The following TUB variants were observed in gnomAD, a reference collection of about 807,000 sequenced individuals.
The protein encoded by TUB is TUB bipartite transcription factor, also known as tubby protein homolog.
TUB carries 33 observed loss-of-function variants against 59.7 expected under a neutral mutation model. The ratio of observed to expected loss-of-function variants is 0.55; its 90% confidence interval spans 0.42 to 0.74. TUB has a LOEUF of 0.74. Ranked by LOEUF, TUB falls within the 30% of genes least tolerant of loss-of-function variation. The pLI is 0.00. For missense variants in TUB, 659 were observed against 672.0 expected (o/e 0.98, Z 0.21); for synonymous variants, 293 against 256.4 (o/e 1.14, Z -1.36).
At chr11:8,093,447 G>A (rs1235851605) in intron 3 of TUB, among the ~76,000 whole-genome samples, 1 of 152,200 alleles carries the variant, frequency 6.6e-6, no homozygotes, top group African/African-American at 2.4e-5. Context: ...AACCATTCAA[G>A]GATTTTGAGC....
At chr11:8,066,504 G>A (rs1036632541) in intron 2 of TUB, among the ~76,000 whole-genome samples, 13 of 152,324 alleles carry the variant, frequency 8.5e-5, no homozygotes, top group East Asian at 7.7e-4. Context: ...GATGAACCTC[G>A]TTCTCTGGAG....
upstream of TUB, among the ~76,000 whole-genome samples, chr11:8,033,990 A>G (rs1942611954): frequency 6.6e-6 from 1 of 152,186 alleles, no homozygotes; most frequent in Non-Finnish European, 1.5e-5. Context: ...GTTTGTTTCC[A>G]GGTAGAATTT....
At chr11:8,064,622 G>A (rs147953577) in intron 2 of TUB, among the ~76,000 whole-genome samples, 43 of 152,260 alleles carry the variant, frequency 2.8e-4, no homozygotes, top group African/African-American at 5.5e-4. Context: ...AAGTGGGGTC[G>A]AAGACTGTGG....
intron 1 of TUB, among the ~76,000 whole-genome samples, chr11:8,082,248 C>T (rs7950401): frequency 0.017 from 2,637 of 152,316 alleles, 73 homozygotes; most frequent in African/African-American, 0.059. Context: ...ATAGAACTGC[C>T]CTCACATGCA....
chr11:8,053,497 TATTA>T (rs1410135706), intron 2 of TUB, among the ~76,000 whole-genome samples: 1 of 151,960 alleles, frequency 6.6e-6, no homozygotes, highest in Non-Finnish European at 1.5e-5. Context: ...TATCTTTATT[TATTA>T]ATTTATCTAT....
At position 8,103,573 on chromosome 11, in the gene TUB, TGA is replaced by T. The variant is rs769412245; in HGVS notation, c.*1959_*1960del. On this transcript the variant is annotated 3_prime_UTR_variant, in exon 12 of 12. Transcript: ENST00000299506. The stretch of plus-strand genomic sequence containing the variant: ...CCCACACCTCGGCCGTACATCTCTG[TGA>T]GAGACCCCCTCCAACGATTAGCTTT... 1.3e-5 allele frequency: 2 copies of T among 152,660 alleles called. No individual in the cohort carries two copies. The highest frequency in any genetic ancestry group is 1.3e-4 in the Admixed American group (2 of 15,288). The allele number at this position is 152,660 out of a possible 1,614,324, so 9.5% of individuals were successfully genotyped here. A position where few individuals can be genotyped will look rare whatever the true frequency, so the allele number is the denominator to read the frequency against.
chr11:8,089,733 G>A lies in TUB; in HGVS notation c.90+72G>A, dbSNP rs1315633386. The stretch of plus-strand genomic sequence containing the variant: ...TCTCTGAGGGCAGAGGGGCAGGGCT[G>A]TCCATCTTCCCTGGATGATCCCGTC... On this transcript the variant is annotated intron_variant, in intron 2 of 11. Transcript: ENST00000299506. 4.4e-6 allele frequency: 7 copies of A among 1,579,134 alleles called. 1 individual carries two copies. The highest frequency in any genetic ancestry group is 3.3e-5 in the South Asian group (3 of 90,082).
At chr11:8,098,093 TG>T (rs1944083064) in intron 8 of TUB, among the ~76,000 whole-genome samples, 1 of 150,460 alleles carries the variant, frequency 6.6e-6, no homozygotes, top group Non-Finnish European at 1.5e-5. Context: ...AACCCCAGGG[TG>T]TCACTGATAA....
At chr11:8,044,694 C>T (rs570718148) in intron 2 of TUB, among the ~76,000 whole-genome samples, 26 of 152,288 alleles carry the variant, frequency 1.7e-4, no homozygotes, top group Non-Finnish European at 2.9e-4. Flanking sequence ...GGCTCAGTCC[C>T]GCAAGACTTC....
chr11:8,055,430 G>A (rs1466943827), intron 2 of TUB, among the ~76,000 whole-genome samples: 1 of 152,232 alleles, frequency 6.6e-6, no homozygotes, highest in Non-Finnish European at 1.5e-5. Context: ...TGCTCTTAGA[G>A]TGTCCTGGGA....
intron 1 of TUB, among the ~76,000 whole-genome samples, chr11:8,083,526 C>G (rs11041734): frequency 0.26 from 39,656 of 151,938 alleles, 5,926 homozygotes; most frequent in East Asian, 0.39. Flanking sequence ...TGATCCTGTT[C>G]TAGCAAGTGC....
At chr11:8,052,627 G>T (rs1340170177) in intron 2 of TUB, among the ~76,000 whole-genome samples, 1 of 151,846 alleles carries the variant, frequency 6.6e-6, no homozygotes, top group Non-Finnish European at 1.5e-5. Flanking sequence ...CCACCACCAC[G>T]CCCTGCTAAT....
intron 2 of TUB, among the ~76,000 whole-genome samples, chr11:8,069,964 C>A (rs1022127105): frequency 6.6e-6 from 1 of 152,198 alleles, no homozygotes; most frequent in Non-Finnish European, 1.5e-5. Flanking sequence ...GGATGTGGGG[C>A]AGGATGGCCG....
At position 8,089,596 on chromosome 11, in the gene TUB, C is replaced by T. The variant is rs1943732583; in HGVS notation, c.39-14C>T. The T allele has an allele frequency of 6.2e-7, 1 of 1,614,052 alleles. No homozygotes were observed. Among genetic ancestry groups the T allele is most frequent in the South Asian group, 1.1e-5 (1 of 91,080 alleles). ...TCACGGGCAAGCCCTGAAAACCCCT[C>T]TTTCGCTCTGCAGTGTCTTAGATGA... On this transcript the variant is annotated splice_polypyrimidine_tract_variant and intron_variant, in intron 1 of 11. Coordinates refer to ENST00000299506, the MANE Select transcript of TUB (RefSeq NM_177972.3).
chr11:8,096,026 G>A (rs964835375), intron 5 of TUB, among the ~76,000 whole-genome samples: 1 of 152,222 alleles, frequency 6.6e-6, no homozygotes, highest in African/African-American at 2.4e-5. Flanking sequence ...CCCTGCCCTA[G>A]GGAGCCCCTG....
intron 1 of TUB, among the ~76,000 whole-genome samples, chr11:8,082,749 C>T (rs1334836572): frequency 6.6e-6 from 1 of 152,186 alleles, no homozygotes; most frequent in Non-Finnish European, 1.5e-5. Context: ...TGAAACCGCC[C>T]AAGGCTTCTT....
intron 2 of TUB, among the ~76,000 whole-genome samples, chr11:8,049,768 C>A (rs971673127): frequency 2.0e-5 from 3 of 151,660 alleles, no homozygotes; most frequent in African/African-American, 7.3e-5. Context: ...AATAAGATGA[C>A]CTATAGTTCC....
At position 8,101,830 on chromosome 11, in the gene TUB, G is replaced by C; in HGVS notation, c.*211G>C. 1.1e-5 allele frequency: 8 copies of C among 708,432 alleles called. No individual in the cohort carries two copies. The highest frequency in any genetic ancestry group is 1.3e-5 in the Non-Finnish European group (6 of 445,288). 43.9% of individuals were successfully genotyped at this position (708,432 alleles called of 1,614,324 possible). ...TAGTGGAGAGCGGGTGGGTGGGTGT[G>C]AAGGGATGAGAATAATTCTTTCCAT... is the stretch of plus-strand genomic sequence containing the variant. On this transcript the variant is annotated 3_prime_UTR_variant, in exon 12 of 12. Coordinates refer to ENST00000299506, the MANE Select transcript of TUB (RefSeq NM_177972.3).
intron 2 of TUB, chr11:8,075,804 C>A (rs912003768): frequency 2.0e-5 from 3 of 152,176 alleles, no homozygotes; most frequent in Admixed American, 1.3e-4. Context: ...GGGGACCTTG[C>A]ACATGACAGT....
Sources: allele counts gnomAD v4.1 joint callset (sites outside exome capture counted in the v4.1 genomes callset), GRCh38; gene constraint gnomAD v4.1.1; transcripts MANE v1.5; gene names NCBI Gene and HGNC (gene_info 2026-07-23, HGNC 2026-07-21).